NCAPD3: variants seen among roughly 807,000 people sequenced by gnomAD.
The protein encoded by NCAPD3 is non-SMC condensin II complex subunit D3.
NCAPD3 carries 105 observed loss-of-function variants against 182.9 expected under a neutral mutation model. The ratio of observed to expected loss-of-function variants is 0.57; its 90% CI spans 0.49 to 0.68. The LOEUF (loss-of-function observed/expected upper bound fraction) is 0.68, where lower values mean the gene tolerates loss of function less well. Among genes scored for constraint, NCAPD3 ranks in the 30% least tolerant of loss-of-function variants. The pLI, the probability that NCAPD3 is intolerant of heterozygous loss-of-function variation, is 0.00. For missense variants in NCAPD3, 1,944 were observed against 1,837.0 expected, an observed-to-expected ratio of 1.06 and a Z score of -1.07; for synonymous variants, 815 against 679.9, an observed-to-expected ratio of 1.20 and a Z score of -3.09.
rs760858303 is a variant in NCAPD3 at position 134,158,409 on chromosome 11, G to A, written c.3954C>T (p.Pro1318=). Residue 1318 remains proline (P), a synonymous_variant, in exon 30 of 35, where the codon CCC becomes CCT. Transcript: ENST00000534548. ...CTGCTACATGGCCAGCACTTGCCCT[G>A]GGTGTGCAGGGCTGGCTCACGGCAG... ...MSPAVSQPCT[P]RASAGHVAVS... 2 of 1,614,210 alleles carry A rather than the reference G, an allele frequency of 1.2e-6. No individual in the cohort carries two copies. Among genetic ancestry groups the A allele is most frequent in the South Asian group, 2.2e-5 (2 of 91,086 alleles).
intron 31 of NCAPD3, 100 bp downstream of exon 31, chr11:134,157,828 G>A (rs1268783432): frequency 3.9e-6 from 5 of 1,287,954 alleles, no homozygotes; most frequent in Non-Finnish European, 5.3e-6. Flanking sequence ...TTGTTTTAAA[G>A]ATAAGAAAAC....
At position 134,178,753 on chromosome 11, in the gene NCAPD3, G is replaced by A. The variant is rs990658274; in HGVS notation, c.2675-12C>T. 1.1e-5 allele frequency: 18 copies of A among 1,608,870 alleles called. No homozygotes were observed. The highest frequency in any genetic ancestry group is 1.4e-5 in the Non-Finnish European group (17 of 1,175,954). ...TTGAGATGATGGTGCTGCAAAGAAG[G>A]GAGAGAAAGTTACCGACAGAACCTT... is the stretch of plus-strand genomic sequence containing the variant. On this transcript the variant is annotated splice_polypyrimidine_tract_variant and intron_variant, in intron 21 of 34. Transcript: ENST00000534548.
chr11:134,163,517 G>A (rs1359969682), intron 27 of NCAPD3, among the ~76,000 whole-genome samples: 2 of 151,992 alleles, frequency 1.3e-5, no homozygotes, highest in Non-Finnish European at 2.9e-5. Context: ...GGCAAACACT[G>A]TGAAACCCCA....
upstream of NCAPD3, chr11:134,225,245 C>T (rs1384326955): frequency 1.9e-6 from 3 of 1,614,166 alleles, no homozygotes; most frequent in Non-Finnish European, 2.5e-6. Flanking sequence ...TCCTCTTCTA[C>T]GACGGGGAGA....
chr11:134,168,172 G>A lies in NCAPD3; in HGVS notation c.3397C>T (p.Pro1133Ser), dbSNP rs1273413740. The A allele has an allele frequency of 3.1e-6, 5 of 1,613,938 alleles. No homozygotes were observed. The highest frequency in any genetic ancestry group is 1.1e-5 in the South Asian group (1 of 91,094). Residue 1133 changes from proline (P) to serine (S), a missense_variant, in exon 27 of 35, where the codon CCC becomes TCC. Around this residue, in one of 3 missense-constraint regions of NCAPD3, gnomAD observed 1,803 missense variants for 1,674.6 expected, o/e 1.08. Transcript: ENST00000534548. The part of the protein sequence containing the change: ...ILACFADGIL[P>S]LDLDASELLS... ...AACTCACTGGCGTCCAGGTCCAGGG[G>A]TAGGATGCCATCAGCAAAGCACGCT...
intron 32 of NCAPD3, chr11:134,156,815 G>A (rs899653835): frequency 4.3e-6 from 2 of 466,940 alleles, no homozygotes; most frequent in Admixed American, 4.0e-5. Flanking sequence ...TGAATGTAAC[G>A]ACACTGGAAC....
intron 24 of NCAPD3, among the ~76,000 whole-genome samples, chr11:134,170,811 A>G (rs1943988801): frequency 6.6e-6 from 1 of 152,232 alleles, no homozygotes; most frequent in South Asian, 2.1e-4. Context: ...AAATGTAGTC[A>G]CAGAGCTTTC....
chr11:134,221,338 T>C (rs975501938), intron 1 of NCAPD3, among the ~76,000 whole-genome samples: 1 of 152,052 alleles, frequency 6.6e-6, no homozygotes, highest in Non-Finnish European at 1.5e-5. Flanking sequence ...CTCTTAACTC[T>C]AAATCTTCCC....
chr11:134,173,883 C>T (rs1201433414), intron 24 of NCAPD3, among the ~76,000 whole-genome samples: 1 of 151,722 alleles, frequency 6.6e-6, no homozygotes, highest in East Asian at 1.9e-4. Context: ...ATCGCTTGAA[C>T]CAGGGAGTCG....
chr11:134,220,750 T>TGTAA (rs762168467), intron 1 of NCAPD3, 24 bp from the exon 2 acceptor site: 1 of 1,596,720 alleles, frequency 6.3e-7, no homozygotes, highest in Admixed American at 1.7e-5. Context: ...CAATGAAATG[T>TGTAA]GTAAGTACTC....
rs532215207 is a variant in NCAPD3 at position 134,168,746 on chromosome 11, C to T, written c.3240-144G>A. The T allele has an allele frequency of 2.8e-5, 38 of 1,370,584 alleles. No homozygotes were observed. The Admixed American group carries it at 6.3e-4, about 23-fold the overall frequency. The allele number at this position is 1,370,584 out of a possible 1,614,324, so 84.9% of individuals were successfully genotyped here. ...TCCCAGTGCTCATCACAGGCGCTGC[C>T]CTTAGGAAGCGATTCTCACGACTGT... On this transcript the variant is annotated intron_variant, in intron 25 of 34. Coordinates refer to ENST00000534548, the MANE Select transcript of NCAPD3 (RefSeq NM_015261.3).
In NCAPD3 at chr11:134,212,969, T is replaced by C. The variant is rs545164016; in HGVS notation, c.383-2515A>G. The stretch of plus-strand genomic sequence containing the variant: ...GAAACCCAGCTACATTGATAATTAC[T>C]CTAAATGTAATCAGCTAAACAATTT... On this transcript the variant is annotated intron_variant, in intron 3 of 34. Coordinates refer to ENST00000534548, the MANE Select transcript of NCAPD3 (RefSeq NM_015261.3). 4.6e-5 allele frequency among the ~76,000 whole-genome samples: 7 copies of C among 152,296 alleles called. No homozygotes were observed. The South Asian group carries it at 1.5e-3, about 32-fold the overall frequency.
At position 134,209,221 on chromosome 11, in the gene NCAPD3, T is replaced by C. The variant is rs372023607; in HGVS notation, c.733-15A>G. The stretch of plus-strand genomic sequence containing the variant: ...GAAACAAAGACCTAGAAAACAGATA[T>C]GAAGAAAAGGCCTGATTTTTTCTAC... On this transcript the variant is annotated splice_polypyrimidine_tract_variant and intron_variant, in intron 5 of 34. Transcript: ENST00000534548. 8.1e-6 allele frequency: 13 copies of C among 1,611,738 alleles called. No individual in the cohort carries two copies. The highest frequency in any genetic ancestry group is 3.4e-5 in the Admixed American group (2 of 59,680).
At chr11:134,216,200 G>A (rs1938016398) in intron 3 of NCAPD3, among the ~76,000 whole-genome samples, 1 of 152,082 alleles carries the variant, frequency 6.6e-6, no homozygotes, top group African/African-American at 2.4e-5. Flanking sequence ...TCAATGTTCA[G>A]GGCTTTAAAT....
intron 24 of NCAPD3, among the ~76,000 whole-genome samples, chr11:134,175,444 GGTTT>G (rs1399620016): frequency 1.3e-5 from 2 of 152,174 alleles, no homozygotes; most frequent in African/African-American, 4.8e-5. Flanking sequence ...TAGTTTTACT[GGTTT>G]GTTATGTGAA....
chr11:134,156,804 C>T (rs757837112), intron 32 of NCAPD3: 40 of 446,638 alleles, frequency 9.0e-5, no homozygotes, highest in Non-Finnish European at 1.5e-4. Flanking sequence ...GTTTGACTGA[C>T]TGAATGTAAC....
At chr11:134,209,754 G>A (rs564009156) in intron 4 of NCAPD3, 31 of 353,308 alleles carry the variant, frequency 8.8e-5, no homozygotes, top group African/African-American at 5.3e-4. Flanking sequence ...TCATTCTACC[G>A]TGTCACATAA....
chr11:134,159,828 G>A (rs1943527381), intron 29 of NCAPD3, 64 bp downstream of exon 29: 9 of 1,511,718 alleles, frequency 6.0e-6, no homozygotes, highest in Non-Finnish European at 7.1e-6. Context: ...CCAGACAAAC[G>A]ACAGACTGGT....
intron 28 of NCAPD3, 92 bp from the exon 29 acceptor site, chr11:134,160,166 A>C: frequency 7.6e-7 from 1 of 1,319,964 alleles, no homozygotes; most frequent in Non-Finnish European, 1.0e-6. Flanking sequence ...TGTGTAACAA[A>C]CCTGCACATC....
Sources: gnomAD v4.1 joint callset for allele counts (sites outside exome capture counted in the v4.1 genomes callset) on GRCh38, gnomAD v4.1.1 for gene constraint, gnomAD v4.1.1 regional missense constraint, MANE v1.5 for transcripts, NCBI Gene and HGNC (gene_info 2026-07-23, HGNC 2026-07-21) for gene names.